The following CYBB variants were observed in gnomAD, a reference collection of about 807,000 sequenced individuals.
CYBB encodes NADPH oxidase 2.
In CYBB, 5 loss-of-function variants were observed where a neutral mutation model predicts 46.5. That is an observed-to-expected ratio of 0.11 (90% confidence interval 0.06 to 0.23). The LOEUF (loss-of-function observed/expected upper bound fraction) is 0.23. Among genes scored for constraint, CYBB ranks in the 10% least tolerant of loss-of-function variants. The probability of loss-of-function intolerance (pLI) is 1.00; values close to 1 mark genes in which losing one functional copy is unlikely to be tolerated. For synonymous variants in CYBB, 183 were observed against 156.7 expected (o/e 1.17, Z -1.26); for missense variants, 307 against 428.3 (o/e 0.72, Z 2.50).
At chrX:37,808,367 C>G in intron 11 of CYBB, among the ~76,000 whole-genome samples, 1 of 111,947 alleles carries the variant, frequency 8.9e-6, no homozygotes, top group South Asian at 3.7e-4. Flanking sequence ...AGGGATGATC[C>G]TTCATGTCTT....
intron 11 of CYBB, among the ~76,000 whole-genome samples, chrX:37,806,850 TTCTCTCTGTCTC>T (rs1192644287): frequency 4.6e-5 from 5 of 108,336 alleles, no homozygotes; most frequent in East Asian, 2.9e-4. Context: ...AGCTTTCTCT[TTCTCTCTGTCTC>T]TCTCTCTGTC....
chrX:37,811,200 A>G lies in CYBB; in HGVS notation c.*283A>G, dbSNP rs1176258335. ...GATTCTTGGACTCAATTTTAGAATC[A>G]AAAGGGAAAGGATCAAAAGGTTCAG... On this transcript the variant is annotated 3_prime_UTR_variant, in exon 13 of 13. Coordinates refer to ENST00000378588, the MANE Select transcript of CYBB (RefSeq NM_000397.4). 2 of 267,562 alleles carry G rather than the reference A, an allele frequency of 7.5e-6. No individual in the cohort carries two copies. Among genetic ancestry groups the G allele is most frequent in the Non-Finnish European group, 6.8e-6 (1 of 146,802 alleles). 22.1% of individuals were successfully genotyped at this position (267,562 alleles called of 1,213,427 possible).
chrX:37,786,348 G>A (rs1023664899), intron 3 of CYBB, among the ~76,000 whole-genome samples: 1 of 111,812 alleles, frequency 8.9e-6, no homozygotes, highest in South Asian at 3.7e-4. Flanking sequence ...AAATCATGCT[G>A]CCAAAACTTC....
Position 37,806,410 on chromosome X carries a change from G to T in CYBB, c.1338G>T (p.Arg446=). Residue 446 remains arginine, a synonymous_variant, in exon 11 of 13, where the codon CGG becomes CGT. Coordinates refer to ENST00000378588, the MANE Select transcript of CYBB (RefSeq NM_000397.4). ...LKKIYFYWLC[R]DTHAFEWFAD... Reference sequence around the variant, plus strand: ...AGATCTACTTCTACTGGCTGTGCCGGGACACACATGCCTTTGAGTGGTTTG... The same window carrying T: ...AGATCTACTTCTACTGGCTGTGCCGTGACACACATGCCTTTGAGTGGTTTG... 1 of 1,210,555 alleles carries T rather than the reference G, an allele frequency of 8.3e-7. No individual in the cohort carries two copies. Among genetic ancestry groups the T allele is most frequent in the Non-Finnish European group, 1.1e-6 (1 of 894,719 alleles).
chrX:37,790,506 A>G (rs1397904377), intron 3 of CYBB, among the ~76,000 whole-genome samples: 1 of 112,129 alleles, frequency 8.9e-6, no homozygotes, highest in Admixed American at 9.5e-5. Flanking sequence ...AGTAATGATT[A>G]TGGGTAAACT....
Position 37,793,636 on chromosome X carries a change from T to A in CYBB, c.338-29T>A, listed in dbSNP as rs1226921826. ...ATAAATTTGTTCATACCCTTCATTC[T>A]CTTTGTTTCTCTTCTCTGCCCTTTT... On this transcript the variant is annotated intron_variant, in intron 4 of 12. Transcript: ENST00000378588. 5.0e-6 allele frequency: 6 copies of A among 1,201,697 alleles called. No homozygotes were observed. The African/African-American group carries it at 8.8e-5, about 18-fold the overall frequency.
intron 2 of CYBB, 63 bp from the exon 3 acceptor site, chrX:37,783,427 G>A: frequency 1.4e-6 from 1 of 732,268 alleles, no homozygotes; most frequent in South Asian, 2.2e-5. Flanking sequence ...CCTTGGGGAA[G>A]TGGGGACAGG....
At chrX:37,797,946 G>C (rs1171061691) in intron 6 of CYBB, among the ~76,000 whole-genome samples, 1 of 111,878 alleles carries the variant, frequency 8.9e-6, no homozygotes, top group Non-Finnish European at 1.9e-5. Context: ...TCTCAGGCTT[G>C]TCATGAGGAT....
At chrX:37,809,752 A>G (rs1349259968) in intron 12 of CYBB, 61 bp downstream of exon 12, 4 of 1,124,436 alleles carry the variant, frequency 3.6e-6, no homozygotes, top group African/African-American at 1.8e-5. Flanking sequence ...GGCAGCCCCT[A>G]TACATATCTA....
intron 7 of CYBB, among the ~76,000 whole-genome samples, chrX:37,800,058 T>C (rs1403429604): frequency 5.4e-5 from 6 of 111,160 alleles, no homozygotes; most frequent in African/African-American, 2.0e-4. Context: ...ACCAGACATA[T>C]CAGTGAATTG....
chrX:37,805,102 C>T lies in CYBB; in HGVS notation c.1248C>T (p.Phe416=), dbSNP rs1929531597. ...GAGCAGGGATTGGGGTCACACCCTTCGCATCCATTCTCAAGTCAGTCTGGT... is the reference window on the plus strand; with the variant it reads ...GAGCAGGGATTGGGGTCACACCCTTTGCATCCATTCTCAAGTCAGTCTGGT... ...LVGAGIGVTP[F]ASILKSVWYK... Residue 416 remains phenylalanine, a synonymous_variant, in exon 10 of 13, where the codon TTC becomes TTT. Coordinates refer to ENST00000378588, the MANE Select transcript of CYBB (RefSeq NM_000397.4). 8.3e-7 allele frequency: 1 copy of T among 1,210,862 alleles called. No homozygotes were observed. Among genetic ancestry groups the T allele is most frequent in the Non-Finnish European group, 1.1e-6 (1 of 894,772 alleles).
At chrX:37,807,916 T>C (rs1329082340) in intron 11 of CYBB, among the ~76,000 whole-genome samples, 3 of 111,438 alleles carry the variant, frequency 2.7e-5, no homozygotes, top group African/African-American at 9.8e-5. Flanking sequence ...AACAAAGAAT[T>C]ATACAGTCCC....
intron 3 of CYBB, among the ~76,000 whole-genome samples, chrX:37,787,317 A>T (rs1474588592): frequency 8.9e-6 from 1 of 112,355 alleles, no homozygotes; most frequent in Non-Finnish European, 1.9e-5. Flanking sequence ...TCTAAATCAG[A>T]TACATTGATG....
intron 6 of CYBB, chrX:37,798,288 A>C (rs1443241544): frequency 8.9e-6 from 1 of 112,563 alleles, no homozygotes; most frequent in Non-Finnish European, 1.9e-5. Context: ...CATTTATTGA[A>C]TTGAAATGAA....
intron 3 of CYBB, among the ~76,000 whole-genome samples, chrX:37,791,320 TTAAA>T (rs1169160859): frequency 2.7e-5 from 3 of 111,993 alleles, no homozygotes; most frequent in African/African-American, 9.7e-5. Flanking sequence ...TTAAATTAAA[TTAAA>T]TATTACATCA....
Position 37,801,327 on chromosome X carries a change from A to T in CYBB, c.876A>T (p.Gln292His). The T allele has an allele frequency of 3.3e-6, 4 of 1,202,613 alleles. No homozygotes were observed. The highest frequency in any genetic ancestry group is 4.5e-6 in the Non-Finnish European group (4 of 887,414). Residue 292 changes from glutamine to histidine, a missense_variant, in exon 8 of 13, where the codon CAA (glutamine) becomes CAT (histidine). This residue lies in a region of CYBB where 82 missense variants were observed against 69.9 expected (regional missense o/e 1.17). Transcript: ENST00000378588. The part of the protein sequence containing the change: ...CERLVRFWRS[Q>H]QKVVITKVVT... The stretch of plus-strand genomic sequence containing the variant: ...GGTTGGTGCGGTTTTGGCGATCTCA[A>T]CAGAAGGTGGTCATCACCAAGGTAC...
At chrX:37,805,988 G>A (rs1415436956) in intron 10 of CYBB, among the ~76,000 whole-genome samples, 2 of 111,624 alleles carry the variant, frequency 1.8e-5, no homozygotes, top group Non-Finnish European at 3.8e-5. Context: ...TTTTCCCCTC[G>A]GAACTCATGA....
rs1556472665 is a variant in CYBB at position 37,809,556 on chromosome X, C to T, written c.1462-11C>T. The T allele has an allele frequency of 1.7e-6, 2 of 1,194,003 alleles. No individual in the cohort carries two copies. Among genetic ancestry groups the T allele is most frequent in the Non-Finnish European group, 2.3e-6 (2 of 885,189 alleles). On this transcript the variant is annotated splice_polypyrimidine_tract_variant and intron_variant, in intron 11 of 12. Coordinates refer to ENST00000378588, the MANE Select transcript of CYBB (RefSeq NM_000397.4). ...TCTCTTTTTTTTCTGAATTCATGTCCTTTCCTGTAGGCCAATCACTTTGCT... is the reference window on the plus strand; with the variant it reads ...TCTCTTTTTTTTCTGAATTCATGTCTTTTCCTGTAGGCCAATCACTTTGCT...
chrX:37,785,039 A>G (rs1929032799), intron 3 of CYBB, among the ~76,000 whole-genome samples: 3 of 112,342 alleles, frequency 2.7e-5, no homozygotes, highest in South Asian at 7.3e-4. Context: ...TTCTTTAAGA[A>G]CATATAACAT....
Sources: allele counts gnomAD v4.1 joint callset (sites outside exome capture counted in the v4.1 genomes callset), GRCh38; gene constraint gnomAD v4.1.1; regional missense constraint gnomAD v4.1.1; transcripts MANE v1.5; gene names NCBI Gene and HGNC (gene_info 2026-07-23, HGNC 2026-07-21).